The following PPP2R1B variants were observed in gnomAD, a reference collection of about 807,000 sequenced individuals.
PPP2R1B encodes protein phosphatase 2 scaffold subunit Abeta, also known as serine/threonine-protein phosphatase 2A 65 kDa regulatory subunit A beta isoform.
In PPP2R1B, 58 loss-of-function variants were observed where a neutral mutation model predicts 72.7. The ratio of observed to expected loss-of-function variants is 0.80; its 90% CI spans 0.65 to 0.99. The LOEUF (loss-of-function observed/expected upper bound fraction) is 0.99, where lower values mean the gene tolerates loss of function less well. PPP2R1B is among the 50% of genes least tolerant of loss of function. PPP2R1B has a pLI of 0.00. For synonymous variants in PPP2R1B, 256 were observed against 264.6 expected (o/e 0.97, Z 0.32); for missense variants, 695 against 733.6 (o/e 0.95, Z 0.61).
the PPP2R1B span, among the ~76,000 whole-genome samples, chr11:111,715,190 CTCAG>C: frequency 3.5e-4 from 54 of 152,354 alleles, no homozygotes; most frequent in South Asian, 2.1e-4. Flanking sequence ...CATGCTGGCA[CTCAG>C]TCAGGCCATA....
chr11:111,739,531 A>AG lies in PPP2R1B; in HGVS notation c.*2064dup. The stretch of plus-strand genomic sequence containing the variant: ...CCGCTGAACCCCCGACCCATGCTTG[A>AG]GAAAGCCAGGGCCCACTCTCCCTCT... On this transcript the variant is annotated 3_prime_UTR_variant, in exon 15 of 15. Transcript: ENST00000527614. 1 of 985,460 alleles carries AG rather than the reference A, an allele frequency of 1.0e-6. No individual in the cohort carries two copies. Among genetic ancestry groups the AG allele is most frequent in the Middle Eastern group, 5.2e-4 (1 of 1,914 alleles). The allele number at this position is 985,460 out of a possible 1,614,324, so 61.0% of individuals were successfully genotyped here.
At chr11:111,724,139 A>C, downstream of PPP2R1B, 1 of 1,600,874 alleles carries the variant, frequency 6.2e-7, no homozygotes, top group Non-Finnish European at 8.5e-7. Flanking sequence ...GTCTCAGCAC[A>C]GGAATTGAGG....
At chr11:111,723,996 C>T (rs774107814), downstream of PPP2R1B, 1 of 1,614,196 alleles carries the variant, frequency 6.2e-7, no homozygotes, top group South Asian at 1.1e-5. Flanking sequence ...CCAGACTGTC[C>T]CAGAAGCCCA....
the PPP2R1B span, among the ~76,000 whole-genome samples, chr11:111,700,364 T>C: frequency 6.6e-6 from 1 of 152,318 alleles, no homozygotes; most frequent in Middle Eastern, 3.4e-3. Context: ...AAACAGGATA[T>C]GTGGACCAAC....
chr11:111,737,511 A>G (rs1483619792), downstream of PPP2R1B: 1 of 1,614,190 alleles, frequency 6.2e-7, no homozygotes. Context: ...CCCGAGGGAC[A>G]CTGGGTTCTC....
In PPP2R1B at chr11:111,763,465, G is replaced by C. The variant is rs575131709; in HGVS notation, c.306+1340C>G. Among the ~76,000 whole-genome samples, 248 of 152,340 alleles carry C rather than the reference G, an allele frequency of 1.6e-3. 1 individual carries two copies. Among genetic ancestry groups the C allele is most frequent in the Non-Finnish European group, 2.2e-3 (148 of 68,020 alleles). Reference sequence around the variant, plus strand: ...AGCCATCTGCTGGGTGATGTGAACTGTAAGAGTCGGGTGAGAGGCAAGAGT... The same window carrying C: ...AGCCATCTGCTGGGTGATGTGAACTCTAAGAGTCGGGTGAGAGGCAAGAGT... On this transcript the variant is annotated intron_variant, in intron 3 of 14. Transcript: ENST00000527614.
intron 5 of PPP2R1B, among the ~76,000 whole-genome samples, chr11:111,756,512 A>T (rs1555049771): frequency 6.6e-6 from 1 of 152,242 alleles, no homozygotes; most frequent in Non-Finnish European, 1.5e-5. Context: ...AGTAAGAGTA[A>T]AGGAAATCAC....
the PPP2R1B span, among the ~76,000 whole-genome samples, chr11:111,689,955 G>A: frequency 1.3e-5 from 2 of 148,794 alleles, no homozygotes; most frequent in African/African-American, 2.5e-5. Flanking sequence ...AAGTTAATTT[G>A]TTATATTCAT....
At position 111,739,288 on chromosome 11, in the gene PPP2R1B, A is replaced by G. The variant is rs1044682974; in HGVS notation, c.*2308T>C. Reference sequence around the variant, plus strand: ...AAAATACCAGCCTTACAGAGCTCCTAAAGCCTATATTCCAGTGAAATCAAG... The same window carrying G: ...AAAATACCAGCCTTACAGAGCTCCTGAAGCCTATATTCCAGTGAAATCAAG... On this transcript the variant is annotated 3_prime_UTR_variant, in exon 15 of 15. Coordinates refer to ENST00000527614, the MANE Select transcript of PPP2R1B (RefSeq NM_002716.5). 5 of 975,872 alleles carry G rather than the reference A, an allele frequency of 5.1e-6. No individual in the cohort carries two copies. Among genetic ancestry groups the G allele is most frequent in the Non-Finnish European group, 6.1e-6 (5 of 821,384 alleles). The allele number at this position is 975,872 out of a possible 1,614,324, so 60.5% of individuals were successfully genotyped here.
intron 11 of PPP2R1B, among the ~76,000 whole-genome samples, chr11:111,744,836 C>T (rs1944649570): frequency 6.6e-6 from 1 of 152,182 alleles, no homozygotes; most frequent in Non-Finnish European, 1.5e-5. Flanking sequence ...GTGACCCATA[C>T]AACTGATTAT....
chr11:111,698,611 G>A, the PPP2R1B span, among the ~76,000 whole-genome samples: 2 of 152,218 alleles, frequency 1.3e-5, no homozygotes, highest in African/African-American at 4.8e-5. Context: ...GTGTGGTGGA[G>A]CACACCTGTG....
At chr11:111,727,151 C>T in intron 15 of PPP2R1B, 2 of 1,019,764 alleles carry the variant, frequency 2.0e-6, no homozygotes, top group South Asian at 1.3e-5. Flanking sequence ...CCCCTCGCCA[C>T]CTCTGCCTGC....
the PPP2R1B span, chr11:111,703,531 G>C: frequency 1.1e-6 from 1 of 880,990 alleles, no homozygotes. Context: ...GCGCCTAGGC[G>C]TACTGTTCAG....
At chr11:111,724,133 C>CA (rs1205832990), downstream of PPP2R1B, 1 of 1,604,098 alleles carries the variant, frequency 6.2e-7, no homozygotes, top group South Asian at 1.1e-5. Context: ...GAATTAGTCT[C>CA]AGCACAGGAA....
At chr11:111,733,753 C>T (rs1051001193), downstream of PPP2R1B, among the ~76,000 whole-genome samples, 2 of 152,192 alleles carry the variant, frequency 1.3e-5, no homozygotes, top group African/African-American at 4.8e-5. Context: ...GCCTTCCAGT[C>T]GCTACAGAGC....
chr11:111,703,534 C>G, the PPP2R1B span: 52 of 871,166 alleles, frequency 6.0e-5, no homozygotes, highest in Middle Eastern at 3.4e-4. Context: ...CCTAGGCGTA[C>G]TGTTCAGTGT....
At chr11:111,715,793 C>CTTTTTTTTTTTTTTTTTTTTTTTTTT in the PPP2R1B span, among the ~76,000 whole-genome samples, 2 of 81,582 alleles carry the variant, frequency 2.5e-5, no homozygotes, top group Non-Finnish European at 4.3e-5. Context: ...TCATTTTTAG[C>CTTTTTTTTTTTTTTTTTTTTTTTTTT]TTTTTTTTTT....
Position 111,759,933 on chromosome 11 carries a change from G to A in PPP2R1B, c.558C>T (p.Cys186=), listed in dbSNP as rs1945264720. ...GTCGTACCATTGGTGTGTCATCTGA[G>A]CACAAGGAACGGAATTGCCTGCAAC... ...AEIRQQFRSL[C]SDDTPMVRRA... is the part of the protein sequence containing the mutation. Residue 186 remains cysteine, a synonymous_variant, in exon 5 of 15, where the codon TGC becomes TGT. Transcript: ENST00000527614. 1 of 1,613,908 alleles carries A rather than the reference G, an allele frequency of 6.2e-7. No homozygotes were observed.
intron 2 of PPP2R1B, 54 bp from the exon 3 acceptor site, chr11:111,764,959 A>G (rs1945467930): frequency 6.3e-7 from 1 of 1,595,426 alleles, no homozygotes; most frequent in South Asian, 1.1e-5. Context: ...CCACAGCTGG[A>G]CACTGACACA....
Sources: allele counts gnomAD v4.1 joint callset (sites outside exome capture counted in the v4.1 genomes callset), GRCh38; gene constraint gnomAD v4.1.1; transcripts MANE v1.5; gene names NCBI Gene and HGNC (gene_info 2026-07-23, HGNC 2026-07-21).